RCAN2: variants seen among roughly 807,000 people sequenced by gnomAD.
RCAN2 encodes regulator of calcineurin 2.
Under a neutral mutation model 23.6 loss-of-function variants are expected in RCAN2, and 9 were observed. The observed-to-expected ratio is 0.38, with a 90% CI of 0.23 to 0.67. The LOEUF is 0.67. Among genes scored for constraint, RCAN2 ranks in the 30% least tolerant of loss-of-function variants. RCAN2 has a pLI of 0.51. For missense variants in RCAN2, 273 were observed against 302.3 expected (o/e 0.90, Z 0.72); for synonymous variants, 109 against 115.7 (o/e 0.94, Z 0.37).
intron 4 of RCAN2, among the ~76,000 whole-genome samples, chr6:46,242,478 C>T (rs2150314731): frequency 6.6e-6 from 1 of 152,300 alleles, no homozygotes; most frequent in East Asian, 1.9e-4. Flanking sequence ...GACTTTTTCC[C>T]AGCAGCTTTA....
chr6:46,247,276 C>T (rs1300937250), intron 3 of RCAN2, among the ~76,000 whole-genome samples: 3 of 152,172 alleles, frequency 2.0e-5, no homozygotes, highest in Non-Finnish European at 2.9e-5. Flanking sequence ...TGTCCCACCA[C>T]GCACCTGCCA....
intron 2 of RCAN2, among the ~76,000 whole-genome samples, chr6:46,369,310 A>T (rs1388949432): frequency 6.6e-6 from 1 of 152,186 alleles, no homozygotes; most frequent in African/African-American, 2.4e-5. Context: ...TTTTTAAAAA[A>T]ATAGGTAATA....
chr6:46,377,254 G>A (rs1289974238), intron 2 of RCAN2, among the ~76,000 whole-genome samples: 2 of 152,168 alleles, frequency 1.3e-5, no homozygotes, highest in African/African-American at 4.8e-5. Flanking sequence ...GGGAAGCCTG[G>A]ATGGGCTTCA....
intron 1 of RCAN2, among the ~76,000 whole-genome samples, chr6:46,488,584 C>T (rs1769057018): frequency 6.6e-6 from 1 of 152,170 alleles, no homozygotes; most frequent in Non-Finnish European, 1.5e-5. Flanking sequence ...GAAGTAAGAT[C>T]AGTAGAAGGT....
intron 2 of RCAN2, among the ~76,000 whole-genome samples, chr6:46,324,093 T>A (rs1252754362): frequency 6.6e-6 from 1 of 152,206 alleles, no homozygotes; most frequent in Non-Finnish European, 1.5e-5. Flanking sequence ...ATGACTGCTC[T>A]CCCTTCTCAA....
At chr6:46,263,470 TG>T (rs1193979614) in intron 2 of RCAN2, among the ~76,000 whole-genome samples, 56 of 67,822 alleles carry the variant, frequency 8.3e-4, no homozygotes, top group Admixed American at 1.7e-3. Flanking sequence ...TGTGTGTGTG[TG>T]TGTATGTGTG....
intron 2 of RCAN2, among the ~76,000 whole-genome samples, chr6:46,354,600 A>C (rs1014084017): frequency 1.1e-4 from 17 of 152,236 alleles, no homozygotes; most frequent in Non-Finnish European, 2.2e-4. Flanking sequence ...ACTCTGGACC[A>C]ATTAAGTCAG....
chr6:46,244,434 C>T (rs1366083443), intron 4 of RCAN2, among the ~76,000 whole-genome samples: 1 of 152,202 alleles, frequency 6.6e-6, no homozygotes, highest in Non-Finnish European at 1.5e-5. Flanking sequence ...CTGTCTGTGC[C>T]TTCCAGAGCC....
At chr6:46,374,075 G>A (rs971570877) in intron 2 of RCAN2, among the ~76,000 whole-genome samples, 8 of 152,292 alleles carry the variant, frequency 5.3e-5, no homozygotes, top group Non-Finnish European at 1.0e-4. Context: ...GTCCCACTCC[G>A]TGAGGGTAGG....
intron 4 of RCAN2, among the ~76,000 whole-genome samples, chr6:46,225,469 A>G (rs1582001430): frequency 3.9e-5 from 6 of 152,178 alleles, no homozygotes; most frequent in South Asian, 4.2e-4. Context: ...TTTAATGATC[A>G]CCATTCTAAC....
At chr6:46,237,763 G>A (rs1356331955) in intron 4 of RCAN2, among the ~76,000 whole-genome samples, 1 of 152,202 alleles carries the variant, frequency 6.6e-6, no homozygotes, top group African/African-American at 2.4e-5. Flanking sequence ...AATATGCTAT[G>A]CGCTTCTACT....
At position 46,481,385 on chromosome 6, in the gene RCAN2, T is replaced by G. The variant is rs566518919; in HGVS notation, c.-3+9788A>C. ...AAAGAGTGATAGCTCTTTTGAGGGC[T>G]CAGGAATTGAAGAAATACAAAAGAG... On this transcript the variant is annotated intron_variant, in intron 1 of 4. Coordinates refer to ENST00000371374, the MANE Select transcript of RCAN2 (RefSeq NM_001251974.2). Among the ~76,000 whole-genome samples, 7 of 152,266 alleles carry G rather than the reference T, an allele frequency of 4.6e-5. No individual in the cohort carries two copies. In the South Asian group the frequency reaches 1.5e-3, roughly 32 times the overall value.
intron 1 of RCAN2, among the ~76,000 whole-genome samples, chr6:46,467,528 GCTC>G (rs745746740): frequency 3.3e-5 from 5 of 152,206 alleles, no homozygotes; most frequent in Non-Finnish European, 7.3e-5. Flanking sequence ...TGACACAGGA[GCTC>G]CTCCTCTCTT....
chr6:46,403,559 C>T lies in RCAN2; in HGVS notation c.225+53193G>A, dbSNP rs182804920. ...TGTACTCCAGCCTGGGCAACAAGAG[C>T]GAAACTCCGTATCAAAAAAAAAAAA... On this transcript the variant is annotated intron_variant, in intron 2 of 4. Coordinates refer to ENST00000371374, the MANE Select transcript of RCAN2 (RefSeq NM_001251974.2). 6.4e-3 allele frequency among the ~76,000 whole-genome samples: 881 copies of T among 136,604 alleles called. 10 individuals are homozygous for T. Among genetic ancestry groups the T allele is most frequent in the African/African-American group, 0.023 (851 of 37,498 alleles). The allele number at this position is 136,604 out of a possible 152,430, so 89.6% of individuals were successfully genotyped here.
intron 2 of RCAN2, among the ~76,000 whole-genome samples, chr6:46,338,692 C>T (rs114920779): frequency 8.5e-4 from 130 of 152,228 alleles, no homozygotes; most frequent in African/African-American, 3.0e-3. Flanking sequence ...ATACCACTCC[C>T]CTGGTTCAAA....
intron 4 of RCAN2, among the ~76,000 whole-genome samples, chr6:46,236,983 A>G (rs1329995735): frequency 1.3e-5 from 2 of 152,230 alleles, no homozygotes; most frequent in Non-Finnish European, 2.9e-5. Context: ...GTAAGTTGAG[A>G]TCACACAGGT....
chr6:46,290,045 T>C (rs969340096), intron 2 of RCAN2, among the ~76,000 whole-genome samples: 7 of 152,062 alleles, frequency 4.6e-5, no homozygotes, highest in African/African-American at 1.4e-4. Flanking sequence ...GTATGGAGCA[T>C]GGCAGGGCTT....
chr6:46,243,900 C>A (rs1323943284), intron 4 of RCAN2, among the ~76,000 whole-genome samples: 1 of 151,376 alleles, frequency 6.6e-6, no homozygotes, highest in African/African-American at 2.4e-5. Flanking sequence ...GCAGAGCAGG[C>A]CTGAAGTCAG....
At chr6:46,229,456 G>C (rs1346956038) in intron 4 of RCAN2, among the ~76,000 whole-genome samples, 2 of 152,080 alleles carry the variant, frequency 1.3e-5, no homozygotes, top group Non-Finnish European at 2.9e-5. Context: ...TTTCTTGGAG[G>C]CTTGTTCATT....
Sources: gnomAD v4.1 joint callset for allele counts (sites outside exome capture counted in the v4.1 genomes callset) on GRCh38, gnomAD v4.1.1 for gene constraint, MANE v1.5 for transcripts, NCBI Gene and HGNC (gene_info 2026-07-23, HGNC 2026-07-21) for gene names.